Variants in GNPTAB observed in about 807,000 individuals in gnomAD.
GNPTAB encodes the protein N-acetylglucosamine-1-phosphotransferase subunits alpha/beta.
GNPTAB carries 92 observed loss-of-function variants against 136.6 expected under a neutral mutation model. That is an observed-to-expected ratio of 0.67 (90% confidence interval 0.57 to 0.80). The LOEUF is 0.80. Among genes scored for constraint, GNPTAB ranks in the 30% least tolerant of loss-of-function variants. GNPTAB has a pLI of 0.00. For missense variants in GNPTAB, 1,343 were observed against 1,501.8 expected (o/e 0.89, Z 1.75); for synonymous variants, 512 against 535.1 (o/e 0.96, Z 0.60).
At chr12:101,802,046 A>T (rs931022820) in intron 1 of GNPTAB, among the ~76,000 whole-genome samples, 1 of 151,638 alleles carries the variant, frequency 6.6e-6, no homozygotes, top group Admixed American at 6.6e-5. Context: ...AACAAAAACA[A>T]ATCAATTCGC....
At chr12:101,828,555 A>T (rs1644813590) in intron 1 of GNPTAB, among the ~76,000 whole-genome samples, 1 of 152,164 alleles carries the variant, frequency 6.6e-6, no homozygotes, top group African/African-American at 2.4e-5. Context: ...GCTACTTGGG[A>T]GGCTGAGACA....
chr12:101,797,021 G>A (rs917391605), intron 1 of GNPTAB, among the ~76,000 whole-genome samples: 1 of 152,102 alleles, frequency 6.6e-6, no homozygotes, highest in African/African-American at 2.4e-5. Context: ...AAAAGGATGT[G>A]GTATTTGAAA....
At position 101,764,678 on chromosome 12, in the gene GNPTAB, T is replaced by C. The variant is rs1160226820; in HGVS notation, c.2239A>G (p.Lys747Glu). ...GTTATTATAGCTTGATTTTTTATTT[T>C]AGCATGCTGTGAGTTCATCAGAAAT... ...RSFLMNSQHA[K>E]IKNQAIITDE... is the part of the protein sequence containing the mutation. Residue 747 changes from lysine (K) to glutamate (E), a missense_variant, in exon 13 of 21, where the codon AAA becomes GAA. By Grantham distance (56) the Lys-to-Glu change is moderately conservative. Coordinates refer to ENST00000299314, the MANE Select transcript of GNPTAB (RefSeq NM_024312.5). The C allele has an allele frequency of 1.2e-6, 2 of 1,612,708 alleles. No homozygotes were observed. Among genetic ancestry groups the C allele is most frequent in the Non-Finnish European group, 8.5e-7 (1 of 1,179,664 alleles).
chr12:101,763,775 G>C (rs4764813), intron 13 of GNPTAB, among the ~76,000 whole-genome samples: 39,860 of 152,102 alleles, frequency 0.26, 5,582 homozygotes, highest in East Asian at 0.33. Flanking sequence ...GCAACGAGCA[G>C]TCCAACTTTG....
chr12:101,773,203 C>A (rs1953207701), intron 7 of GNPTAB: 1 of 232,066 alleles, frequency 4.3e-6, no homozygotes, highest in Non-Finnish European at 8.8e-6. Flanking sequence ...GATAGTTCGT[C>A]TGTGCTTATG....
chr12:101,826,996 G>A (rs1871120870), intron 1 of GNPTAB, among the ~76,000 whole-genome samples: 1 of 136,292 alleles, frequency 7.3e-6, no homozygotes, highest in Non-Finnish European at 1.5e-5. Flanking sequence ...GGTCTACCAG[G>A]CTGGAGTGCA....
At chr12:101,748,482 G>A (rs1952768694) in intron 20 of GNPTAB, among the ~76,000 whole-genome samples, 2 of 152,166 alleles carry the variant, frequency 1.3e-5, no homozygotes, top group African/African-American at 2.4e-5. Flanking sequence ...ATAGCCTAAT[G>A]AGGACTCTCT....
chr12:101,788,533 A>G lies in GNPTAB; in HGVS notation c.365+15T>C. ...CCTTCACTTTTTACTCTTGAGAGGAAATCAAAATGCTTACCTCTTCTTAGT... is the reference window on the plus strand; with the variant it reads ...CCTTCACTTTTTACTCTTGAGAGGAGATCAAAATGCTTACCTCTTCTTAGT... On this transcript the variant is annotated intron_variant, in intron 4 of 20. Transcript: ENST00000299314. 6.7e-7 allele frequency: 1 copy of G among 1,486,890 alleles called. No homozygotes were observed. Among genetic ancestry groups the G allele is most frequent in the Non-Finnish European group, 9.4e-7 (1 of 1,063,940 alleles). 92.1% of individuals were successfully genotyped at this position (1,486,890 alleles called of 1,614,324 possible).
chr12:101,796,647 A>G, intron 2 of GNPTAB, 30 bp downstream of exon 2: 6 of 1,435,298 alleles, frequency 4.2e-6, no homozygotes, highest in Non-Finnish European at 5.9e-6. Flanking sequence ...TTTAGGTCCA[A>G]ATAATAGATT....
Position 101,766,180 on chromosome 12 carries a change from C to T in GNPTAB, c.1523G>A (p.Gly508Glu), listed in dbSNP as rs772681175. Reference sequence around the variant, plus strand: ...ATCAGCGAGCCAGGAATTCGCACATCCCTGATTACAGTAAGAGACACTGTT... The same window carrying T: ...ATCAGCGAGCCAGGAATTCGCACATTCCTGATTACAGTAAGAGACACTGTT... ...GINSVSYCNQ[G>E]CANSWLADKF... is the part of the protein sequence containing the mutation. Residue 508 changes from glycine to glutamate, a missense_variant, in exon 12 of 21, where the codon GGA becomes GAA. Coordinates refer to ENST00000299314, the MANE Select transcript of GNPTAB (RefSeq NM_024312.5). 7 of 1,614,106 alleles carry T rather than the reference C, an allele frequency of 4.3e-6. No homozygotes were observed. The highest frequency in any genetic ancestry group is 5.9e-6 in the Non-Finnish European group (7 of 1,179,974).
intron 13 of GNPTAB, among the ~76,000 whole-genome samples, chr12:101,763,226 AAAAAAAAAAAAG>A (rs1953028543): frequency 7.4e-6 from 1 of 134,358 alleles, no homozygotes; most frequent in Non-Finnish European, 1.6e-5. Flanking sequence ...CATCTCAAAA[AAAAAAAAAAAAG>A]AAAGGAAAGG....
chr12:101,752,852 C>T (rs1952840411), intron 19 of GNPTAB, among the ~76,000 whole-genome samples: 2 of 152,204 alleles, frequency 1.3e-5, no homozygotes, highest in African/African-American at 4.8e-5. Flanking sequence ...CCCAGTTACA[C>T]ATTTTTTCAA....
chr12:101,774,373 T>C (rs1024587), intron 7 of GNPTAB, among the ~76,000 whole-genome samples: 16,766 of 152,258 alleles, frequency 0.11, 986 homozygotes, highest in Middle Eastern at 0.2. Flanking sequence ...GTGTAATTAG[T>C]AGGTCAATGG....
rs201746781 is a variant in GNPTAB, at chr12:101,761,308, A to G, written c.2954T>C (p.Val985Ala). 1.5e-4 allele frequency: 242 copies of G among 1,614,034 alleles called. No individual in the cohort carries two copies. Among genetic ancestry groups the G allele is most frequent in the Non-Finnish European group, 2.0e-4 (237 of 1,180,042 alleles). Residue 985 changes from valine (V) to alanine (A), a missense_variant, in exon 15 of 21, where the codon GTG becomes GCG. By Grantham distance (64) the Val-to-Ala change is moderately conservative (BLOSUM62 0). Transcript: ENST00000299314. Reference protein sequence around the residue: ...EEFDKTSFHKVRHSEDMQFAF... With the variant: ...EEFDKTSFHKARHSEDMQFAF... The stretch of plus-strand genomic sequence containing the variant: ...AAACTGCATATCCTCAGAATGGCGC[A>G]CTTTGTGAAATGACGTCTTGTCAAA...
intron 10 of GNPTAB, among the ~76,000 whole-genome samples, chr12:101,768,423 G>T (rs1190364250): frequency 1.3e-5 from 2 of 152,180 alleles, no homozygotes; most frequent in African/African-American, 4.8e-5. Context: ...TCAACTCATG[G>T]ATTAGTCTCT....
chr12:101,776,557 TAAAAC>T (rs780296485), intron 7 of GNPTAB, among the ~76,000 whole-genome samples: 4 of 152,090 alleles, frequency 2.6e-5, no homozygotes, highest in Non-Finnish European at 5.9e-5. Flanking sequence ...CCTCAGTTAA[TAAAAC>T]AAAAACAAAA....
intron 1 of GNPTAB, among the ~76,000 whole-genome samples, chr12:101,802,832 T>C (rs1050292965): frequency 3.3e-5 from 5 of 152,142 alleles, no homozygotes; most frequent in African/African-American, 9.7e-5. Context: ...TCTAGTTAAT[T>C]TGGCAAATCA....
At chr12:101,753,560 G>C (rs772041572) in intron 18 of GNPTAB, 21 bp from the exon 19 acceptor site, 1 of 1,601,632 alleles carries the variant, frequency 6.2e-7, no homozygotes, top group Admixed American at 1.7e-5. Context: ...AGAGAGCCAG[G>C]GTTATTAGTT....
rs1451696033 is a variant in GNPTAB, at chr12:101,753,539, C to T, written c.3435G>A (p.Arg1145=). 10 of 1,613,058 alleles carry T rather than the reference C, an allele frequency of 6.2e-6. 1 individual carries two copies. The Middle Eastern group carries it at 1.2e-3, about 186-fold the overall frequency. ...TGTTGTCATTCAGGCAAACAAACTT[C>T]CTGAAATAACAGAGAGCCAGGGTTA... ...GQLDDIRKNP[R]KFVCLNDNID... Residue 1145 remains arginine, a splice_region_variant and synonymous_variant, in exon 19 of 21, where the codon AGG becomes AGA. Coordinates refer to ENST00000299314, the MANE Select transcript of GNPTAB (RefSeq NM_024312.5).
Sources: gnomAD v4.1 joint callset for allele counts (sites outside exome capture counted in the v4.1 genomes callset) on GRCh38, gnomAD v4.1.1 for gene constraint, MANE v1.5 for transcripts, NCBI Gene and HGNC (gene_info 2026-07-23, HGNC 2026-07-21) for gene names.